Variants in ADAMTSL1 observed in about 807,000 individuals in gnomAD.
ADAMTSL1 encodes the protein ADAMTS like 1, also known as ADAMTS-like protein 1.
In ADAMTSL1, 126 loss-of-function variants were observed where a neutral mutation model predicts 201.8. That is an observed-to-expected ratio of 0.62 (90% CI 0.54 to 0.72). The LOEUF (loss-of-function observed/expected upper bound fraction) is 0.72, where lower values mean the gene tolerates loss of function less well. ADAMTSL1 is among the 30% of genes least tolerant of loss of function. The probability of loss-of-function intolerance (pLI) is 0.00; values close to 1 mark genes in which losing one functional copy is unlikely to be tolerated. For missense variants in ADAMTSL1, 2,679 were observed against 2,277.8 expected (o/e 1.18, Z -3.59); for synonymous variants, 1,121 against 903.4 (o/e 1.24, Z -4.32).
At chr9:18,729,732 G>C (rs507556) in intron 15 of ADAMTSL1, among the ~76,000 whole-genome samples, 84,618 of 152,064 alleles carry the variant, frequency 0.56, 23,650 homozygotes, top group South Asian at 0.67. Flanking sequence ...AGCCAAAGCC[G>C]GAGTTTGGGA....
chr9:17,956,785 A>G (rs530220683), intron 1 of ADAMTSL1, among the ~76,000 whole-genome samples: 1 of 152,312 alleles, frequency 6.6e-6, no homozygotes, highest in South Asian at 2.1e-4. Flanking sequence ...ACTCAGATGT[A>G]TAAGAAGTTT....
intron 1 of ADAMTSL1, among the ~76,000 whole-genome samples, chr9:18,084,386 G>A (rs143516632): frequency 2.0e-5 from 3 of 152,198 alleles, no homozygotes; most frequent in East Asian, 1.9e-4. Flanking sequence ...GCTGGGCGCG[G>A]TGGTGTGCAC....
intron 1 of ADAMTSL1, among the ~76,000 whole-genome samples, chr9:18,128,722 CT>C (rs1361540350): frequency 6.6e-6 from 1 of 152,042 alleles, no homozygotes; most frequent in Admixed American, 6.6e-5. Context: ...AATTAAGGAT[CT>C]CTCTCTCCCC....
chr9:17,977,910 T>G (rs1043254354), intron 1 of ADAMTSL1, among the ~76,000 whole-genome samples: 3 of 152,080 alleles, frequency 2.0e-5, no homozygotes, highest in African/African-American at 7.2e-5. Context: ...AAGTGGCTAT[T>G]AAAATCCCCT....
intron 2 of ADAMTSL1, among the ~76,000 whole-genome samples, chr9:18,254,667 G>GCC (rs530444304): frequency 1.7e-3 from 70 of 41,824 alleles, no homozygotes; most frequent in African/African-American, 5.0e-3. Flanking sequence ...CTGCCCCCCC[G>GCC]CCCCCCCCAG....
chr9:18,789,331 C>G (rs951768464), intron 19 of ADAMTSL1, among the ~76,000 whole-genome samples: 6 of 152,180 alleles, frequency 3.9e-5, no homozygotes, highest in Admixed American at 3.3e-4. Flanking sequence ...TACTATCATT[C>G]TCATTTTATA....
chr9:18,459,294 A>C (rs1820722754), intron 2 of ADAMTSL1, among the ~76,000 whole-genome samples: 1 of 152,162 alleles, frequency 6.6e-6, no homozygotes, highest in Non-Finnish European at 1.5e-5. Context: ...ATAATACCTC[A>C]TAAACAGTGT....
intron 2 of ADAMTSL1, among the ~76,000 whole-genome samples, chr9:18,454,578 A>C (rs758877203): frequency 7.2e-5 from 11 of 152,046 alleles, no homozygotes; most frequent in Non-Finnish European, 1.3e-4. Flanking sequence ...GAACACACCT[A>C]TCCCTCTCAG....
chr9:18,078,665 G>A (rs928905229), intron 1 of ADAMTSL1, among the ~76,000 whole-genome samples: 8 of 152,006 alleles, frequency 5.3e-5, no homozygotes, highest in Admixed American at 1.3e-4. Flanking sequence ...TCTCTTCTAA[G>A]CCCCTCCAAT....
intron 4 of ADAMTSL1, among the ~76,000 whole-genome samples, chr9:18,593,388 C>A (rs532645806): frequency 5.3e-5 from 8 of 151,866 alleles, no homozygotes; most frequent in South Asian, 2.1e-4. Context: ...ATATTGTTTT[C>A]CTCATTTCAA....
intron 1 of ADAMTSL1, among the ~76,000 whole-genome samples, chr9:18,001,357 C>G (rs148018464): frequency 1.2e-4 from 18 of 151,960 alleles, no homozygotes; most frequent in African/African-American, 3.9e-4. Flanking sequence ...CACAGTCATA[C>G]CATCTTGTCC....
chr9:17,913,000 A>T (rs1588403497), intron 1 of ADAMTSL1, among the ~76,000 whole-genome samples: 1 of 152,188 alleles, frequency 6.6e-6, no homozygotes, highest in East Asian at 1.9e-4. Context: ...AGTTGTAGAT[A>T]TGTGGCGTTA....
Position 18,271,271 on chromosome 9 carries a change from T to C in ADAMTSL1, c.207+107290T>C, listed in dbSNP as rs543783065. Among the ~76,000 whole-genome samples the C allele has an allele frequency of 1.1e-3, 172 of 152,290 alleles. 1 individual carries two copies. The highest frequency in any genetic ancestry group is 3.9e-3 in the African/African-American group (162 of 41,556). On this transcript the variant is annotated intron_variant, in intron 2 of 29. Transcript: ENST00000680146. ...TATGTATACATGTGCCATGTTGGTG[T>C]GCTGCACCCATTAACTCGTCATTTA... is the stretch of plus-strand genomic sequence containing the variant.
chr9:18,893,825 C>G (rs1829446483), intron 26 of ADAMTSL1, among the ~76,000 whole-genome samples: 1 of 152,178 alleles, frequency 6.6e-6, no homozygotes, highest in Non-Finnish European at 1.5e-5. Context: ...TTTCTTCTGC[C>G]TACCTTCATG....
chr9:18,295,049 A>G (rs911305418), intron 2 of ADAMTSL1, among the ~76,000 whole-genome samples: 6 of 151,826 alleles, frequency 4.0e-5, no homozygotes, highest in Admixed American at 6.6e-5. Flanking sequence ...CTCACATCCC[A>G]TTTCCTCTTG....
intron 2 of ADAMTSL1, among the ~76,000 whole-genome samples, chr9:18,326,804 A>G (rs1776833658): frequency 6.6e-6 from 1 of 152,162 alleles, no homozygotes; most frequent in Admixed American, 6.5e-5. Context: ...CTCAGAATGC[A>G]TTTTTCCTAA....
intron 19 of ADAMTSL1, among the ~76,000 whole-genome samples, chr9:18,792,435 A>G (rs1437928787): frequency 6.6e-6 from 1 of 152,252 alleles, no homozygotes; most frequent in African/African-American, 2.4e-5. Context: ...ACTATCTTCT[A>G]GCCTCCTGCT....
At chr9:18,638,487 G>C (rs1297696391) in intron 6 of ADAMTSL1, among the ~76,000 whole-genome samples, 1 of 152,000 alleles carries the variant, frequency 6.6e-6, no homozygotes, top group Non-Finnish European at 1.5e-5. Context: ...TGAGAACTTA[G>C]TCTTCTCTGA....
chr9:17,918,933 A>G (rs182238550), intron 1 of ADAMTSL1, among the ~76,000 whole-genome samples: 31 of 152,008 alleles, frequency 2.0e-4, no homozygotes, highest in Admixed American at 1.8e-3. Flanking sequence ...GACCTTCTCT[A>G]TCCCTAGTAA....
Sources: gnomAD v4.1 joint callset for allele counts (sites outside exome capture counted in the v4.1 genomes callset) on GRCh38, gnomAD v4.1.1 for gene constraint, MANE v1.5 for transcripts, NCBI Gene and HGNC (gene_info 2026-07-23, HGNC 2026-07-21) for gene names.